ABCA6: variants seen among roughly 807,000 people sequenced by gnomAD.
ABCA6 encodes ATP binding cassette subfamily A member 6, also known as ATP-binding cassette sub-family A member 6.
Under a neutral mutation model 191.2 loss-of-function variants are expected in ABCA6, and 164 were observed. The ratio of observed to expected loss-of-function variants is 0.86; its 90% CI spans 0.76 to 0.98. The LOEUF is 0.98. Among genes scored for constraint, ABCA6 ranks in the 50% least tolerant of loss-of-function variants. The pLI, the probability that ABCA6 is intolerant of heterozygous loss-of-function variation, is 0.00. For missense variants in ABCA6, 1,958 were observed against 1,894.1 expected (o/e 1.03, Z -0.63); for synonymous variants, 636 against 647.7 (o/e 0.98, Z 0.27).
rs9896564 is a variant in ABCA6 at position 69,128,864 on chromosome 17, T to C, written c.934-60A>G. On this transcript the variant is annotated intron_variant, in intron 7 of 38. Transcript: ENST00000284425. ...AAATATTTAGCTCACTGAGAATCAT[T>C]GGCAGCCCAATCAAATAAGGATTTT... 1,775 of 1,333,474 alleles carry C rather than the reference T, an allele frequency of 1.3e-3. 25 individuals are homozygous for C. In the African/African-American group the frequency reaches 0.023, roughly 17 times the overall value. The allele number at this position is 1,333,474 out of a possible 1,614,324, so 82.6% of individuals were successfully genotyped here.
chr17:69,126,573 A>G (rs2073758688), intron 8 of ABCA6, among the ~76,000 whole-genome samples: 1 of 152,078 alleles, frequency 6.6e-6, no homozygotes, highest in Non-Finnish European at 1.5e-5. Flanking sequence ...ACTTAAGCCC[A>G]GGAGGTTGAG....
chr17:69,096,591 A>C, intron 24 of ABCA6, 37 bp downstream of exon 24: 1 of 1,342,360 alleles, frequency 7.4e-7, no homozygotes, highest in Non-Finnish European at 9.9e-7. Flanking sequence ...ATTATTAATT[A>C]CTTTATGAAA....
In ABCA6 at chr17:69,114,795, T is replaced by C; in HGVS notation, c.1749A>G (p.Ile583Met). Residue 583 changes from isoleucine to methionine, a missense_variant, in exon 13 of 39, where the codon ATA becomes ATG. By Grantham distance (10) the Ile-to-Met change is conservative. Coordinates refer to ENST00000284425, the MANE Select transcript of ABCA6 (RefSeq NM_080284.3). The stretch of plus-strand genomic sequence containing the variant: ...CCACTTCCTTTAGATGAATCCCTTT[T>C]ATTTTAGCAAACAGGCTGAGGTTTT... ...VKENLSLFAK[I>M]KGIHLKEVEQ... 4.3e-6 allele frequency: 7 copies of C among 1,612,356 alleles called. No individual in the cohort carries two copies. Among genetic ancestry groups the C allele is most frequent in the Non-Finnish European group, 5.1e-6 (6 of 1,179,128 alleles).
intron 16 of ABCA6, chr17:69,111,676 T>A (rs1439446445): frequency 6.6e-6 from 1 of 152,462 alleles, no homozygotes; most frequent in African/African-American, 2.4e-5. Context: ...GTCAATTAGA[T>A]CTCTTTCCTT....
Position 69,088,254 on chromosome 17 carries a change from T to C in ABCA6, c.3611A>G (p.Tyr1204Cys). 3 of 1,607,462 alleles carry C rather than the reference T, an allele frequency of 1.9e-6. No individual in the cohort carries two copies. The highest frequency in any genetic ancestry group is 2.2e-5 in the East Asian group (1 of 44,668). ...AAAAACGAATAGCAAAGTCTGAAAG[T>C]AGGGCTATGAGCAAAGAAATACAGT... ...ATDFLVCFIP[Y>C]FQTLLFVFVL... The change falls in exon 28 of 39, where the codon TAC (tyrosine) becomes TGC (cysteine). Residue 1204 changes from tyrosine to cysteine, a missense_variant. Physicochemically the swap from Tyr to Cys is radical, Grantham distance 194. Coordinates refer to ENST00000284425, the MANE Select transcript of ABCA6 (RefSeq NM_080284.3).
chr17:69,140,766 T>A lies in ABCA6; in HGVS notation c.-45-18A>T. ...AACACAACCTAGAAAAAAATAAGTGTAATAAGAAAAACCTTGATCATAGTG... is the reference window on the plus strand; with the variant it reads ...AACACAACCTAGAAAAAAATAAGTGAAATAAGAAAAACCTTGATCATAGTG... On this transcript the variant is annotated intron_variant, in intron 1 of 38. Coordinates refer to ENST00000284425, the MANE Select transcript of ABCA6 (RefSeq NM_080284.3). 1.8e-6 allele frequency: 2 copies of A among 1,132,170 alleles called. No individual in the cohort carries two copies. Among genetic ancestry groups the A allele is most frequent in the Non-Finnish European group, 2.4e-6 (2 of 817,412 alleles). The allele number at this position is 1,132,170 out of a possible 1,614,324, so 70.1% of individuals were successfully genotyped here.
intron 13 of ABCA6, 98 bp downstream of exon 13, chr17:69,114,664 T>G: frequency 8.0e-7 from 1 of 1,251,708 alleles, no homozygotes; most frequent in Non-Finnish European, 1.1e-6. Flanking sequence ...TAAATTTTAT[T>G]CATAACAGGG....
At chr17:69,094,303 A>C (rs1170943116) in intron 25 of ABCA6, 2 of 152,262 alleles carry the variant, frequency 1.3e-5, no homozygotes, top group Non-Finnish European at 2.9e-5. Context: ...TAATATGATA[A>C]TGCAGATTCT....
At chr17:69,118,347 T>C (rs2073575220) in intron 10 of ABCA6, among the ~76,000 whole-genome samples, 1 of 152,090 alleles carries the variant, frequency 6.6e-6, no homozygotes. Flanking sequence ...AGTCAGACAC[T>C]CTGTCACCTG....
intron 10 of ABCA6, among the ~76,000 whole-genome samples, chr17:69,120,664 T>C (rs1044404946): frequency 3.9e-5 from 6 of 152,108 alleles, no homozygotes; most frequent in African/African-American, 1.4e-4. Flanking sequence ...CCTGTTGAAG[T>C]GAAACTTTAA....
intron 20 of ABCA6, chr17:69,104,027 A>T: frequency 6.6e-6 from 1 of 150,672 alleles, no homozygotes; most frequent in East Asian, 2.0e-4. Context: ...GAACATGCAC[A>T]TAGAAAATAA....
At position 69,112,275 on chromosome 17, in the gene ABCA6, T is replaced by C. The variant is rs749170048; in HGVS notation, c.2042-2A>G. 3 of 1,605,144 alleles carry C rather than the reference T, an allele frequency of 1.9e-6. No homozygotes were observed. Among genetic ancestry groups the C allele is most frequent in the African/African-American group, 1.3e-5 (1 of 74,552 alleles). On this transcript the variant is annotated splice_acceptor_variant, in intron 15 of 38. Coordinates refer to ENST00000284425, the MANE Select transcript of ABCA6 (RefSeq NM_080284.3). LOFTEE classifies it high-confidence loss of function. The stretch of plus-strand genomic sequence containing the variant: ...CATTGGACATGATCACTTTTCTATC[T>C]GAATGAAAGAAATCAAGGGAGAAAA...
chr17:69,114,315 C>CA lies in ABCA6; in HGVS notation c.1782+446dup, dbSNP rs529965089. Among the ~76,000 whole-genome samples the CA allele has an allele frequency of 4.4e-3, 652 of 147,606 alleles. 4 individuals carry two copies. The highest frequency in any genetic ancestry group is 0.015 in the African/African-American group (606 of 40,026). ...CATTCTCAGCAAACTATCGCAAGGACAAAAAACCAAACACCGCATGTTCTC... is the reference window on the plus strand; with the variant it reads ...CATTCTCAGCAAACTATCGCAAGGACAAAAAAACCAAACACCGCATGTTCTC... On this transcript the variant is annotated intron_variant, in intron 13 of 38. Coordinates refer to ENST00000284425, the MANE Select transcript of ABCA6 (RefSeq NM_080284.3).
At chr17:69,091,398 AGT>A (rs2072918780) in intron 25 of ABCA6, 136 bp from the exon 26 acceptor site, 1 of 905,482 alleles carries the variant, frequency 1.1e-6, no homozygotes. Context: ...TGACAATGAT[AGT>A]TTCTCCTTTT....
intron 25 of ABCA6, among the ~76,000 whole-genome samples, chr17:69,093,960 A>C (rs1485016756): frequency 6.6e-6 from 1 of 152,244 alleles, no homozygotes; most frequent in East Asian, 1.9e-4. Flanking sequence ...TTGTTTTCCA[A>C]AACGTACCTT....
chr17:69,117,559 C>T (rs530668787), intron 11 of ABCA6, among the ~76,000 whole-genome samples: 22 of 152,062 alleles, frequency 1.4e-4, no homozygotes, highest in African/African-American at 4.1e-4. Flanking sequence ...GTAAATTCAC[C>T]GGCTAGTATA....
chr17:69,090,055 C>T (rs1172766429), intron 26 of ABCA6, among the ~76,000 whole-genome samples: 1 of 152,146 alleles, frequency 6.6e-6, no homozygotes, highest in African/African-American at 2.4e-5. Flanking sequence ...CTCATTCCTC[C>T]TATATAATAC....
At chr17:69,121,188 C>T (rs1027082683) in intron 10 of ABCA6, among the ~76,000 whole-genome samples, 3 of 152,158 alleles carry the variant, frequency 2.0e-5, no homozygotes, top group Admixed American at 6.5e-5. Flanking sequence ...ACATTGTCTA[C>T]AGGTGGGGAA....
intron 6 of ABCA6, among the ~76,000 whole-genome samples, chr17:69,130,314 C>T (rs1168112821): frequency 4.0e-5 from 6 of 148,694 alleles, no homozygotes; most frequent in African/African-American, 1.5e-4. Context: ...GAGACTCCAT[C>T]TCAAAAAAAA....
Sources: allele counts gnomAD v4.1 joint callset (sites outside exome capture counted in the v4.1 genomes callset), GRCh38; gene constraint gnomAD v4.1.1; transcripts MANE v1.5; gene names NCBI Gene and HGNC (gene_info 2026-07-23, HGNC 2026-07-21).